Variants in CHLSN observed in about 807,000 individuals in gnomAD.
CHLSN encodes cholesin, also known as protein cholesin.
the CHLSN span, among the ~76,000 whole-genome samples, chr7:1,068,490 C>T: frequency 1.3e-5 from 2 of 152,122 alleles, no homozygotes; most frequent in African/African-American, 2.4e-5. Flanking sequence ...CACACAAACT[C>T]GGCTTTGCAA....
the CHLSN span, among the ~76,000 whole-genome samples, chr7:991,476 C>T: frequency 1.1e-4 from 11 of 97,828 alleles, 1 homozygote; most frequent in South Asian, 1.4e-3. Context: ...GGGTGTGGGG[C>T]GGGCAGGAGG....
At chr7:1,040,403 G>A in the CHLSN span, among the ~76,000 whole-genome samples, 13 of 152,096 alleles carry the variant, frequency 8.5e-5, no homozygotes, top group African/African-American at 3.1e-4. Context: ...GCTGAGGAGT[G>A]AGGATTGCTT....
At chr7:1,135,737 C>T in the CHLSN span, among the ~76,000 whole-genome samples, 2 of 146,302 alleles carry the variant, frequency 1.4e-5, no homozygotes, top group Non-Finnish European at 3.0e-5. Flanking sequence ...TGCACTCCAG[C>T]CTGGACAACA....
At chr7:1,050,205 C>T in the CHLSN span, among the ~76,000 whole-genome samples, 21 of 152,256 alleles carry the variant, frequency 1.4e-4, no homozygotes, top group Admixed American at 1.1e-3. Flanking sequence ...TGCCTGTGCA[C>T]CCTGTGGGCA....
At chr7:1,083,738 A>C in the CHLSN span, among the ~76,000 whole-genome samples, 1 of 152,102 alleles carries the variant, frequency 6.6e-6, no homozygotes, top group Non-Finnish European at 1.5e-5. Flanking sequence ...GTCTGCACAC[A>C]CCCACCGTTA....
chr7:1,006,541 G>A, the CHLSN span, among the ~76,000 whole-genome samples: 1 of 149,080 alleles, frequency 6.7e-6, no homozygotes, highest in African/African-American at 2.5e-5. Context: ...AAGAGCACAC[G>A]ACGGCCACAG....
chr7:1,090,619 G>A, the CHLSN span, among the ~76,000 whole-genome samples: 667 of 151,616 alleles, frequency 4.4e-3, 7 homozygotes, highest in African/African-American at 0.015. Context: ...AGGGTGACAC[G>A]GGGTGGGTGA....
the CHLSN span, among the ~76,000 whole-genome samples, chr7:1,029,518 C>T: frequency 2.0e-5 from 3 of 152,252 alleles, no homozygotes; most frequent in African/African-American, 7.2e-5. Flanking sequence ...CTGCCTTGGC[C>T]TCCTAAAGCA....
the CHLSN span, chr7:987,465 G>A: frequency 4.0e-5 from 62 of 1,564,506 alleles, no homozygotes; most frequent in East Asian, 9.4e-4. Flanking sequence ...GGTTCATCAC[G>A]CTCCTGCCGC....
the CHLSN span, among the ~76,000 whole-genome samples, chr7:1,019,223 G>A: frequency 8.7e-6 from 1 of 114,922 alleles, no homozygotes; most frequent in Non-Finnish European, 1.8e-5. Flanking sequence ...GGGGGGGGGG[G>A]AGTGAAAGGG....
At chr7:1,087,697 C>G in the CHLSN span, among the ~76,000 whole-genome samples, 4 of 152,238 alleles carry the variant, frequency 2.6e-5, no homozygotes, top group African/African-American at 9.6e-5. Context: ...GATTACACTT[C>G]TCTCTGCAAA....
chr7:1,047,841 C>T, the CHLSN span, among the ~76,000 whole-genome samples: 1 of 152,234 alleles, frequency 6.6e-6, no homozygotes, highest in East Asian at 1.9e-4. Context: ...CCTTTCTACT[C>T]AGTGGGGAAA....
At chr7:1,055,513 G>C in the CHLSN span, 1 of 451,554 alleles carries the variant, frequency 2.2e-6, no homozygotes, top group Non-Finnish European at 4.4e-6. Context: ...GCAGGTGGGA[G>C]AGGGGACGTG....
At chr7:1,125,980 A>C in the CHLSN span, among the ~76,000 whole-genome samples, 2 of 152,254 alleles carry the variant, frequency 1.3e-5, no homozygotes, top group Non-Finnish European at 2.9e-5. Context: ...GTGGGTCAAA[A>C]AATTTTTTAT....
chr7:1,009,501 G>A, the CHLSN span, among the ~76,000 whole-genome samples: 2 of 152,130 alleles, frequency 1.3e-5, no homozygotes, highest in African/African-American at 4.8e-5. Flanking sequence ...GGCAGCCAGG[G>A]AGATGGCACC....
At chr7:1,051,424 G>C in the CHLSN span, among the ~76,000 whole-genome samples, 1 of 152,240 alleles carries the variant, frequency 6.6e-6, no homozygotes, top group African/African-American at 2.4e-5. Flanking sequence ...GAGCACATTT[G>C]CTCACGTCTC....
the CHLSN span, chr7:1,021,339 C>A: frequency 1.0e-6 from 1 of 981,214 alleles, no homozygotes; most frequent in Middle Eastern, 5.2e-4. Context: ...GAAGCCTTTT[C>A]ATCGTGGCAG....
chr7:1,082,228 CT>C, the CHLSN span: 19 of 152,390 alleles, frequency 1.2e-4, no homozygotes, highest in African/African-American at 3.6e-4. Context: ...ACTCGGAGTC[CT>C]GGGAACCACT....
the CHLSN span, among the ~76,000 whole-genome samples, chr7:1,132,830 G>C: frequency 6.6e-6 from 1 of 151,852 alleles, no homozygotes; most frequent in Non-Finnish European, 1.5e-5. Flanking sequence ...CAAATAACCC[G>C]GTTTTTAAAT....
Sources: gnomAD v4.1 joint callset for allele counts (sites outside exome capture counted in the v4.1 genomes callset) on GRCh38, gnomAD v4.1.1 for gene constraint, MANE v1.5 for transcripts, NCBI Gene and HGNC (gene_info 2026-07-23, HGNC 2026-07-21) for gene names.